The following NUCB2 variants were observed in gnomAD, a reference collection of about 807,000 sequenced individuals.
The protein encoded by NUCB2 is nucleobindin 2.
NUCB2 carries 48 observed loss-of-function variants against 57.9 expected under a neutral mutation model. The ratio of observed to expected loss-of-function variants is 0.83; its 90% CI spans 0.66 to 1.05. The LOEUF is 1.05. NUCB2 is among the 50% of genes least tolerant of loss of function. The pLI, the probability that NUCB2 is intolerant of heterozygous loss-of-function variation, is 0.00. For missense variants in NUCB2, 442 were observed against 476.2 expected (o/e 0.93, Z 0.67); for synonymous variants, 139 against 152.1 (o/e 0.91, Z 0.64).
chr11:17,281,919 G>C (rs1441990629), intron 1 of NUCB2, among the ~76,000 whole-genome samples: 2 of 151,486 alleles, frequency 1.3e-5, no homozygotes, highest in Non-Finnish European at 2.9e-5. Flanking sequence ...TTGCACATGA[G>C]CTGATTTATG....
At chr11:17,281,418 C>T (rs569249562) in intron 1 of NUCB2, among the ~76,000 whole-genome samples, 11 of 152,222 alleles carry the variant, frequency 7.2e-5, no homozygotes, top group African/African-American at 2.6e-4. Flanking sequence ...CCATGCCCAA[C>T]CTGGTCTTGC....
chr11:17,306,835 A>G (rs1185172759), intron 5 of NUCB2, among the ~76,000 whole-genome samples: 1 of 151,678 alleles, frequency 6.6e-6, no homozygotes, highest in Non-Finnish European at 1.5e-5. Flanking sequence ...TCGCTTGAAC[A>G]CAGGAGGCGG....
At chr11:17,295,198 A>G in intron 2 of NUCB2, 126 bp from the exon 3 acceptor site, 21 of 742,764 alleles carry the variant, frequency 2.8e-5, no homozygotes, top group Non-Finnish European at 3.7e-5. Context: ...TTCCTTTCCT[A>G]TAATTTTTTT....
intron 1 of NUCB2, chr11:17,278,576 T>G (rs1941867933): frequency 6.6e-6 from 1 of 152,210 alleles, no homozygotes; most frequent in South Asian, 2.1e-4. Flanking sequence ...TATATATTCT[T>G]TCAGCATGCT....
chr11:17,345,655 C>T (rs112131994), intron 2 of NUCB2, among the ~76,000 whole-genome samples: 3,524 of 152,046 alleles, frequency 0.023, 146 homozygotes, highest in African/African-American at 0.082. Flanking sequence ...TGCAGTGAGC[C>T]GATAACGCAC....
chr11:17,303,768 C>G (rs931590907), intron 5 of NUCB2, among the ~76,000 whole-genome samples: 3 of 151,744 alleles, frequency 2.0e-5, no homozygotes, highest in African/African-American at 7.3e-5. Context: ...GCCTGTAATC[C>G]CAGCTACTTA....
chr11:17,340,215 ATTTG>A (rs1212436273), intron 2 of NUCB2, among the ~76,000 whole-genome samples: 1 of 151,966 alleles, frequency 6.6e-6, no homozygotes, highest in African/African-American at 2.4e-5. Flanking sequence ...TTTCTTGCAA[ATTTG>A]TTTGAGTTCA....
At chr11:17,290,411 A>G (rs1236137445) in intron 2 of NUCB2, among the ~76,000 whole-genome samples, 1 of 152,150 alleles carries the variant, frequency 6.6e-6, no homozygotes. Context: ...TACAATTTTC[A>G]TATTCCATTA....
intron 10 of NUCB2, among the ~76,000 whole-genome samples, chr11:17,314,774 C>T (rs1179246643): frequency 1.3e-5 from 2 of 152,154 alleles, no homozygotes; most frequent in African/African-American, 4.8e-5. Flanking sequence ...GTGGTAAATG[C>T]TAAATTGGGG....
At chr11:17,282,261 T>G in intron 1 of NUCB2, among the ~76,000 whole-genome samples, 1 of 103,466 alleles carries the variant, frequency 9.7e-6, no homozygotes, top group South Asian at 3.0e-4. Flanking sequence ...TATATATATT[T>G]TTTTTTTTTT....
intron 11 of NUCB2, among the ~76,000 whole-genome samples, chr11:17,326,410 T>A (rs1404899501): frequency 6.9e-6 from 1 of 143,946 alleles, no homozygotes; most frequent in African/African-American, 2.5e-5. Flanking sequence ...CTCTGCCTCC[T>A]GGGTTCAAGC....
At chr11:17,310,758 G>A in intron 6 of NUCB2, 67 bp from the exon 7 acceptor site, 9 of 1,301,342 alleles carry the variant, frequency 6.9e-6, no homozygotes, top group Non-Finnish European at 9.6e-6. Flanking sequence ...CTATATTCAA[G>A]AATGGCTTTA....
Position 17,311,001 on chromosome 11 carries a change from T to TA in NUCB2, c.662dup (p.Asn221LysfsTer17). ...AAAAGCATGAAAATCACCCTAAAGT[T>TA]AATCACCCAGTAAGGATTGTGACTT... On this transcript the variant is annotated frameshift_variant, in exon 7 of 14. Coordinates refer to ENST00000529010, the MANE Select transcript of NUCB2 (RefSeq NM_005013.4). LOFTEE classifies it high-confidence loss of function. 1 of 1,576,378 alleles carries TA rather than the reference T, an allele frequency of 6.3e-7. No homozygotes were observed. Among genetic ancestry groups the TA allele is most frequent in the Non-Finnish European group, 8.5e-7 (1 of 1,170,084 alleles).
At chr11:17,280,934 T>C (rs1942426064) in intron 1 of NUCB2, among the ~76,000 whole-genome samples, 1 of 152,080 alleles carries the variant, frequency 6.6e-6, no homozygotes, top group Admixed American at 6.6e-5. Flanking sequence ...CCAGCTACTC[T>C]GGAGGCTGAG....
At chr11:17,321,718 C>A (rs1950043214) in intron 11 of NUCB2, among the ~76,000 whole-genome samples, 1 of 152,138 alleles carries the variant, frequency 6.6e-6, no homozygotes, top group African/African-American at 2.4e-5. Flanking sequence ...TGCCTACCAA[C>A]AGTGTACGAG....
intron 1 of NUCB2, among the ~76,000 whole-genome samples, chr11:17,282,258 A>ATATATAT (rs1388672393): frequency 1.7e-4 from 18 of 103,468 alleles, no homozygotes; most frequent in Admixed American, 1.0e-4. Flanking sequence ...ATATATATAT[A>ATATATAT]TTTTTTTTTT....
At position 17,330,349 on chromosome 11, in the gene NUCB2, T is replaced by G; in HGVS notation, c.1173+52T>G. The stretch of plus-strand genomic sequence containing the variant: ...ATTAAAAAGATTTTAGGTGCTTTGT[T>G]AAAAGCCTGTGTTTTTGTAACATAT... On this transcript the variant is annotated intron_variant, in intron 12 of 13. Transcript: ENST00000529010. This position sits in a 1 kb window ranked among gnomAD's most constrained non-coding sequence, Gnocchi z 4.3. The G allele has an allele frequency of 7.3e-7, 1 of 1,366,772 alleles. No individual in the cohort carries two copies. Among genetic ancestry groups the G allele is most frequent in the Non-Finnish European group, 1.0e-6 (1 of 983,612 alleles). 84.7% of individuals were successfully genotyped at this position (1,366,772 alleles called of 1,614,324 possible).
rs1948566254 is a variant in NUCB2, at chr11:17,312,088, A to G, written c.880A>G (p.Arg294Gly). 6.3e-7 allele frequency: 1 copy of G among 1,581,990 alleles called. No homozygotes were observed. Among genetic ancestry groups the G allele is most frequent in the East Asian group, 2.2e-5 (1 of 44,516 alleles). ...TGATATGGTAGAAATGGAAGAAGAA[A>G]GGCTTAGAATGAGGGAACATGTAAT... ...EDDMVEMEEERLRMREHVMNE... is the reference protein window; with the variant it reads ...EDDMVEMEEEGLRMREHVMNE... Residue 294 changes from arginine to glycine, a missense_variant, in exon 10 of 14, where the codon AGG (arginine) becomes GGG (glycine). Arg to Gly is a moderately radical substitution (Grantham distance 125). Coordinates refer to ENST00000529010, the MANE Select transcript of NUCB2 (RefSeq NM_005013.4).
intron 2 of NUCB2, among the ~76,000 whole-genome samples, chr11:17,283,997 T>C (rs1326510553): frequency 6.6e-6 from 1 of 152,208 alleles, no homozygotes; most frequent in East Asian, 1.9e-4. Context: ...GCTTAACTTA[T>C]TTAGCCACAC....
Sources: allele counts gnomAD v4.1 joint callset (sites outside exome capture counted in the v4.1 genomes callset), GRCh38; gene constraint gnomAD v4.1.1; non-coding constraint Gnocchi (gnomAD v3.1); transcripts MANE v1.5; gene names NCBI Gene and HGNC (gene_info 2026-07-23, HGNC 2026-07-21).